KIAA0825: variants seen among roughly 807,000 people sequenced by gnomAD.
KIAA0825 encodes KIAA0825, also known as uncharacterized protein KIAA0825.
In KIAA0825, 119 loss-of-function variants were observed where a neutral mutation model predicts 147.6. The ratio of observed to expected loss-of-function variants is 0.81; its 90% CI spans 0.69 to 0.94. The LOEUF (loss-of-function observed/expected upper bound fraction) is 0.94, where lower values mean the gene tolerates loss of function less well. Among genes scored for constraint, KIAA0825 ranks in the 40% least tolerant of loss-of-function variants. The probability of loss-of-function intolerance (pLI) is 0.00; values close to 1 mark genes in which losing one functional copy is unlikely to be tolerated. For synonymous variants in KIAA0825, 470 were observed against 518.1 expected, an observed-to-expected ratio of 0.91 and a Z score of 1.26; for missense variants, 1,381 against 1,472.7, an observed-to-expected ratio of 0.94 and a Z score of 1.02.
chr5:94,494,153 A>C (rs1002302245), intron 5 of KIAA0825, among the ~76,000 whole-genome samples: 4 of 152,070 alleles, frequency 2.6e-5, no homozygotes, highest in Admixed American at 6.5e-5. Context: ...TGCTGGCTCC[A>C]CTGGATGTTA....
intron 2 of KIAA0825, among the ~76,000 whole-genome samples, chr5:94,543,403 A>T (rs1223114621): frequency 2.6e-5 from 4 of 152,222 alleles, no homozygotes; most frequent in African/African-American, 9.6e-5. Context: ...AGATCATGCC[A>T]CTGTACTCCA....
intron 20 of KIAA0825, among the ~76,000 whole-genome samples, chr5:94,168,305 C>A (rs1398346903): frequency 2.6e-5 from 4 of 152,082 alleles, no homozygotes; most frequent in Admixed American, 1.3e-4. Flanking sequence ...ATTTCTTGAG[C>A]TACTACTAAT....
intron 20 of KIAA0825, among the ~76,000 whole-genome samples, chr5:94,236,201 G>C (rs1380569768): frequency 6.6e-6 from 1 of 152,230 alleles, no homozygotes; most frequent in Non-Finnish European, 1.5e-5. Context: ...ATTCATCAAT[G>C]TAGATGCCAA....
At chr5:94,381,260 C>T (rs1748367128) in intron 20 of KIAA0825, among the ~76,000 whole-genome samples, 1 of 152,154 alleles carries the variant, frequency 6.6e-6, no homozygotes. Context: ...CCTTACCTGA[C>T]TAGACACCAA....
chr5:94,186,482 A>T (rs1211134865), intron 20 of KIAA0825, among the ~76,000 whole-genome samples: 5 of 152,302 alleles, frequency 3.3e-5, no homozygotes, highest in Admixed American at 6.5e-5. Flanking sequence ...TGTGATAATA[A>T]ATAAGTCAAT....
At chr5:94,186,528 G>A (rs1047877869) in intron 20 of KIAA0825, among the ~76,000 whole-genome samples, 2 of 152,182 alleles carry the variant, frequency 1.3e-5, no homozygotes, top group Non-Finnish European at 2.9e-5. Context: ...ATGATGTAAA[G>A]CAAATAAGCA....
chr5:94,443,352 A>G (rs201510190), intron 13 of KIAA0825, among the ~76,000 whole-genome samples: 4 of 128,552 alleles, frequency 3.1e-5, no homozygotes, highest in African/African-American at 8.2e-5. Flanking sequence ...ATATATATGT[A>G]TATATATACA....
intron 10 of KIAA0825, among the ~76,000 whole-genome samples, chr5:94,465,591 G>C (rs13356678): frequency 0.15 from 22,540 of 152,056 alleles, 1,991 homozygotes; most frequent in Middle Eastern, 0.21. Flanking sequence ...GGTAACTATC[G>C]AATATTATTA....
chr5:94,502,087 CACCAA>C (rs1765161094), intron 5 of KIAA0825, among the ~76,000 whole-genome samples: 1 of 152,086 alleles, frequency 6.6e-6, no homozygotes, highest in African/African-American at 2.4e-5. Flanking sequence ...TAAGGGTACA[CACCAA>C]ACTATTAACA....
chr5:94,559,690 C>T (rs1373754477), intron 2 of KIAA0825, among the ~76,000 whole-genome samples: 1 of 152,202 alleles, frequency 6.6e-6, no homozygotes, highest in African/African-American at 2.4e-5. Flanking sequence ...CAGCTTGACA[C>T]TATCATCTCT....
chr5:94,462,351 C>T, intron 12 of KIAA0825, 36 bp downstream of exon 12: 1 of 1,074,938 alleles, frequency 9.3e-7, no homozygotes, highest in Non-Finnish European at 1.3e-6. Flanking sequence ...CACGTTATAT[C>T]ATAATAGCTA....
chr5:94,376,264 A>C (rs1441772666), intron 20 of KIAA0825, among the ~76,000 whole-genome samples: 1 of 152,214 alleles, frequency 6.6e-6, no homozygotes, highest in African/African-American at 2.4e-5. Context: ...ACATATTAAT[A>C]GATAAAGTAC....
chr5:94,344,016 TA>T (rs1782718375), intron 20 of KIAA0825, among the ~76,000 whole-genome samples: 1 of 152,208 alleles, frequency 6.6e-6, no homozygotes, highest in South Asian at 2.1e-4. Flanking sequence ...GGCGGAAATG[TA>T]AACTAGTAAA....
intron 18 of KIAA0825, among the ~76,000 whole-genome samples, chr5:94,388,839 C>T (rs1749528304): frequency 6.6e-6 from 1 of 152,208 alleles, no homozygotes; most frequent in Non-Finnish European, 1.5e-5. Flanking sequence ...TTCTTGAACA[C>T]CTTCCCTGTG....
chr5:94,201,072 C>T (rs80273452), intron 20 of KIAA0825, among the ~76,000 whole-genome samples: 3,292 of 145,972 alleles, frequency 0.023, 124 homozygotes, highest in African/African-American at 0.078. Flanking sequence ...CATAAAAATA[C>T]TTTGTGGAAG....
intron 20 of KIAA0825, among the ~76,000 whole-genome samples, chr5:94,286,559 C>A: frequency 6.8e-6 from 1 of 147,494 alleles, no homozygotes; most frequent in Admixed American, 6.8e-5. Context: ...TTCTTTTTTT[C>A]TTTTTTTTTT....
intron 2 of KIAA0825, among the ~76,000 whole-genome samples, chr5:94,539,857 G>A (rs879573726): frequency 4.6e-5 from 7 of 152,106 alleles, no homozygotes; most frequent in Non-Finnish European, 7.4e-5. Context: ...TTGGCACTAC[G>A]GGATGTGAAC....
At chr5:94,326,960 AC>A (rs1780756030) in intron 20 of KIAA0825, among the ~76,000 whole-genome samples, 1 of 152,152 alleles carries the variant, frequency 6.6e-6, no homozygotes, top group African/African-American at 2.4e-5. Context: ...ACAGAAGCTG[AC>A]CCATTTTGAA....
At chr5:94,549,761 C>T (rs867394094) in intron 2 of KIAA0825, among the ~76,000 whole-genome samples, 7 of 151,810 alleles carry the variant, frequency 4.6e-5, no homozygotes, top group African/African-American at 1.5e-4. Context: ...TGGAATATAA[C>T]GAAAGCAGTA....
Sources: allele counts gnomAD v4.1 joint callset (sites outside exome capture counted in the v4.1 genomes callset), GRCh38; gene constraint gnomAD v4.1.1; transcripts MANE v1.5; gene names NCBI Gene and HGNC (gene_info 2026-07-23, HGNC 2026-07-21).